PLEKHG4B: variants seen among roughly 807,000 people sequenced by gnomAD.
The protein encoded by PLEKHG4B is pleckstrin homology and RhoGEF domain containing G4B.
A neutral mutation model predicts 121.3 loss-of-function variants in PLEKHG4B; 111 were observed. The ratio of observed to expected loss-of-function variants is 0.92; its 90% CI spans 0.78 to 1.07. The LOEUF (loss-of-function observed/expected upper bound fraction) is 1.07, where lower values mean the gene tolerates loss of function less well. Ranked by LOEUF, PLEKHG4B falls within the 50% of genes least tolerant of loss-of-function variation. PLEKHG4B has a pLI of 0.00. For missense variants in PLEKHG4B, 1,831 were observed against 1,757.8 expected (o/e 1.04, Z -0.74); for synonymous variants, 738 against 725.0 (o/e 1.02, Z -0.29).
At chr5:125,742 C>A (rs912765963) in intron 2 of PLEKHG4B, among the ~76,000 whole-genome samples, 6 of 152,158 alleles carry the variant, frequency 3.9e-5, no homozygotes, top group African/African-American at 1.2e-4. Context: ...GTCTAATGTT[C>A]TTTGAGTTCA....
rs145966155 is a variant in PLEKHG4B at position 112,593 on chromosome 5, G to A, written c.46-658G>A. On this transcript the variant is annotated intron_variant, in intron 1 of 19. Transcript: ENST00000637938. ...AGCATGTTGCACCAAAATGCCAAGC[G>A]GAAGTCAGTGGCCAATGATCCTGTT... 8.9e-3 allele frequency among the ~76,000 whole-genome samples: 1,351 copies of A among 152,288 alleles called. 22 individuals are homozygous for A. Among genetic ancestry groups the A allele is most frequent in the Admixed American group, 0.031 (470 of 15,290 alleles).
chr5:180,955 A>G (rs1284105328), intron 18 of PLEKHG4B, among the ~76,000 whole-genome samples: 1 of 152,218 alleles, frequency 6.6e-6, no homozygotes, highest in Non-Finnish European at 1.5e-5. Flanking sequence ...TTCTTACTAT[A>G]ATATTCTTCA....
intron 2 of PLEKHG4B, among the ~76,000 whole-genome samples, chr5:128,736 G>C (rs1734693196): frequency 1.3e-5 from 2 of 152,202 alleles, no homozygotes; most frequent in African/African-American, 4.8e-5. Flanking sequence ...GAGACAGACT[G>C]CTGGTGCCTC....
intron 1 of PLEKHG4B, among the ~76,000 whole-genome samples, chr5:97,633 CT>C (rs938325333): frequency 6.6e-6 from 1 of 152,262 alleles, no homozygotes; most frequent in African/African-American, 2.4e-5. Flanking sequence ...TATTTCGTAT[CT>C]TTTCATGGCT....
chr5:128,592 G>A (rs1734688472), intron 2 of PLEKHG4B, among the ~76,000 whole-genome samples: 1 of 152,180 alleles, frequency 6.6e-6, no homozygotes, highest in Non-Finnish European at 1.5e-5. Flanking sequence ...CTGGAGGTGG[G>A]GCTGCCAGTG....
At position 101,246 on chromosome 5, in the gene PLEKHG4B, T is replaced by C. The variant is rs866318739; in HGVS notation, c.45+8970T>C. Among the ~76,000 whole-genome samples, 134 of 108,598 alleles carry C rather than the reference T, an allele frequency of 1.2e-3. 4 individuals are homozygous for C. Among genetic ancestry groups the C allele is most frequent in the Admixed American group, 1.7e-3 (20 of 11,594 alleles). 71.2% of individuals were successfully genotyped at this position (108,598 alleles called of 152,430 possible). Reference sequence around the variant, plus strand: ...AATCCATATAAAGCCCTGGAAAAAGTCTGTAGGGGAGACTGTTGTGAGGTA... The same window carrying C: ...AATCCATATAAAGCCCTGGAAAAAGCCTGTAGGGGAGACTGTTGTGAGGTA... On this transcript the variant is annotated intron_variant, in intron 1 of 19. Coordinates refer to ENST00000637938, the MANE Select transcript of PLEKHG4B (RefSeq NM_052909.5).
intron 13 of PLEKHG4B, among the ~76,000 whole-genome samples, chr5:166,869 G>A (rs1048789265): frequency 6.6e-6 from 1 of 152,228 alleles, no homozygotes; most frequent in Non-Finnish European, 1.5e-5. Context: ...AGAACATTAA[G>A]TTCTGGTTTT....
In PLEKHG4B at chr5:144,855, G is replaced by A. The variant is rs775380932; in HGVS notation, c.1840G>A (p.Val614Ile). Residue 614 changes from valine (V) to isoleucine (I), a missense_variant, in exon 6 of 20, where the codon GTC (valine) becomes ATC (isoleucine). Transcript: ENST00000637938. Reference sequence around the variant, plus strand: ...AGAGGTCCGGGACCTGGGGCTGGTTGTCCTGGTGGATGCACGCAGGAGTCC... The same window carrying A: ...AGAGGTCCGGGACCTGGGGCTGGTTATCCTGGTGGATGCACGCAGGAGTCC... ...RKEVRDLGLV[V>I]LVDARRSPAA... 4 of 1,613,438 alleles carry A rather than the reference G, an allele frequency of 2.5e-6. No individual in the cohort carries two copies. The highest frequency in any genetic ancestry group is 3.4e-6 in the Non-Finnish European group (4 of 1,179,952).
intron 2 of PLEKHG4B, among the ~76,000 whole-genome samples, chr5:118,995 C>T (rs530805014): frequency 5.9e-5 from 9 of 152,050 alleles, no homozygotes; most frequent in South Asian, 4.1e-4. Flanking sequence ...GGACTACAGG[C>T]GTGTGCCACC....
chr5:161,759 T>C, intron 11 of PLEKHG4B, 24 bp from the exon 12 acceptor site: 1 of 1,613,244 alleles, frequency 6.2e-7, no homozygotes, highest in Non-Finnish European at 8.5e-7. Flanking sequence ...GGGCTTGTAC[T>C]GATGCTTTGT....
At chr5:180,053 T>G (rs1256940139) in intron 18 of PLEKHG4B, among the ~76,000 whole-genome samples, 1 of 152,246 alleles carries the variant, frequency 6.6e-6, no homozygotes, top group African/African-American at 2.4e-5. Flanking sequence ...CGTGGATGTT[T>G]AATTATCTGG....
At chr5:143,787 G>T (rs979939347) in intron 5 of PLEKHG4B, among the ~76,000 whole-genome samples, 1 of 152,224 alleles carries the variant, frequency 6.6e-6, no homozygotes, top group Non-Finnish European at 1.5e-5. Context: ...TCAGCCATCC[G>T]TGTGATGTGC....
Position 144,827 on chromosome 5 carries a change from G to T in PLEKHG4B, c.1812G>T (p.Arg604Ser). ...RLLLYFHSIP[R>S]KEVRDLGLVV... ...AGATGGGCTGTCTTTCCCTCCCCAG[G>T]AAAGAGGTCCGGGACCTGGGGCTGG... Residue 604 changes from arginine (R) to serine (S), a missense_variant and splice_region_variant, in exon 6 of 20, where the codon AGG becomes AGT. Coordinates refer to ENST00000637938, the MANE Select transcript of PLEKHG4B (RefSeq NM_052909.5). 6.2e-7 allele frequency: 1 copy of T among 1,612,870 alleles called. No homozygotes were observed. The highest frequency in any genetic ancestry group is 8.5e-7 in the Non-Finnish European group (1 of 1,179,536).
intron 2 of PLEKHG4B, among the ~76,000 whole-genome samples, chr5:127,960 C>T (rs1456841510): frequency 1.3e-5 from 2 of 152,174 alleles, no homozygotes; most frequent in African/African-American, 4.8e-5. Flanking sequence ...TGAATTTAAA[C>T]ATTTTCTGGC....
In PLEKHG4B at chr5:135,665, CAAAAAAA is replaced by C. The variant is rs139636561; in HGVS notation, c.244-3806_244-3800del. On this transcript the variant is annotated intron_variant, in intron 2 of 19. Coordinates refer to ENST00000637938, the MANE Select transcript of PLEKHG4B (RefSeq NM_052909.5). Reference sequence around the variant, plus strand: ...TGGGCGACAAAGCAAGACTCCATCTCAAAAAAAAAAAAAAAAAATATATATATATATA... The same window carrying C: ...TGGGCGACAAAGCAAGACTCCATCTCAAAAAAAAAAATATATATATATATA... 8.7e-3 allele frequency among the ~76,000 whole-genome samples: 157 copies of C among 18,066 alleles called. 1 individual carries two copies. Among genetic ancestry groups the C allele is most frequent in the Admixed American group, 0.013 (13 of 1,006 alleles). 11.9% of individuals were successfully genotyped at this position (18,066 alleles called of 152,430 possible). A position where few individuals can be genotyped will look rare whatever the true frequency, so the allele number is the denominator to read the frequency against.
intron 18 of PLEKHG4B, chr5:179,859 C>A (rs575984254): frequency 2.6e-5 from 4 of 152,250 alleles, no homozygotes; most frequent in Non-Finnish European, 5.9e-5. Context: ...GTTCATTGAT[C>A]TGCTTTGCTA....
intron 13 of PLEKHG4B, among the ~76,000 whole-genome samples, chr5:164,493 G>GCTCTGATGGGCGGAGCTCACACTAATA: frequency 8.3e-6 from 1 of 121,156 alleles, no homozygotes; most frequent in African/African-American, 4.4e-5. Context: ...TCACACTAAT[G>GCTCTGATGGGCGGAGCTCACACTAATA]CTCTGACAGG....
At chr5:153,185 T>A (rs1735660301) in intron 7 of PLEKHG4B, among the ~76,000 whole-genome samples, 1 of 152,254 alleles carries the variant, frequency 6.6e-6, no homozygotes. Context: ...TTTCATAAAT[T>A]GCAAGCATTT....
intron 1 of PLEKHG4B, among the ~76,000 whole-genome samples, chr5:98,301 T>C (rs1408353461): frequency 1.3e-5 from 2 of 152,120 alleles, no homozygotes; most frequent in East Asian, 1.9e-4. Flanking sequence ...CATTCATTCG[T>C]TGAATGAATT....
Sources: allele counts gnomAD v4.1 joint callset (sites outside exome capture counted in the v4.1 genomes callset), GRCh38; gene constraint gnomAD v4.1.1; transcripts MANE v1.5; gene names NCBI Gene and HGNC (gene_info 2026-07-23, HGNC 2026-07-21).